LRRFIP2: variants seen among roughly 807,000 people sequenced by gnomAD.
LRRFIP2 encodes the protein leucine-rich repeat flightless-interacting protein 2.
Under a neutral mutation model 125.9 loss-of-function variants are expected in LRRFIP2, and 109 were observed. That is an observed-to-expected ratio of 0.87 (90% CI 0.74 to 1.01). The LOEUF (loss-of-function observed/expected upper bound fraction) is 1.01, where lower values mean the gene tolerates loss of function less well. Ranked by LOEUF, LRRFIP2 falls within the 50% of genes least tolerant of loss-of-function variation. The pLI, the probability that LRRFIP2 is intolerant of heterozygous loss-of-function variation, is 0.00. For missense variants in LRRFIP2, 850 were observed against 862.3 expected, an observed-to-expected ratio of 0.99 and a Z score of 0.18; for synonymous variants, 291 against 293.1, an observed-to-expected ratio of 0.99 and a Z score of 0.07.
At chr3:37,073,544 T>C (rs1424351593) in intron 20 of LRRFIP2, among the ~76,000 whole-genome samples, 2 of 152,190 alleles carry the variant, frequency 1.3e-5, no homozygotes, top group South Asian at 2.1e-4. Flanking sequence ...TACTTTACCA[T>C]GGAATTTTCA....
chr3:37,079,389 C>A (rs2092424031), intron 19 of LRRFIP2, among the ~76,000 whole-genome samples: 1 of 152,150 alleles, frequency 6.6e-6, no homozygotes, highest in South Asian at 2.1e-4. Context: ...AATGGTTAAA[C>A]ACAGATTTAT....
intron 2 of LRRFIP2, among the ~76,000 whole-genome samples, chr3:37,137,365 GA>G (rs2095584116): frequency 6.6e-6 from 1 of 152,096 alleles, no homozygotes; most frequent in Non-Finnish European, 1.5e-5. Flanking sequence ...TACTGGAGCT[GA>G]GATCTACATC....
At chr3:37,140,115 TC>T (rs2095655513) in intron 2 of LRRFIP2, among the ~76,000 whole-genome samples, 1 of 152,190 alleles carries the variant, frequency 6.6e-6, no homozygotes, top group Admixed American at 6.5e-5. Context: ...TCCTCTTTAT[TC>T]TCTCATCTCT....
rs1482956880 is a variant in LRRFIP2, at chr3:37,058,804, A to G, written c.1856T>C (p.Phe619Ser). 1 of 1,614,050 alleles carries G rather than the reference A, an allele frequency of 6.2e-7. No homozygotes were observed. The change falls in exon 25 of 28, where the codon TTC becomes TCC. Residue 619 changes from phenylalanine (F) to serine (S), a missense_variant. Transcript: ENST00000336686. ...AGLQNGSDLQ[F>S]IEMQRDANRQ... ...CTGGTACCTACTCTGCATTTCGATGAACTGCAAGTCTGAGCCATTCTGCAG... is the reference window on the plus strand; with the variant it reads ...CTGGTACCTACTCTGCATTTCGATGGACTGCAAGTCTGAGCCATTCTGCAG...
chr3:37,167,509 C>T (rs1381681412), intron 1 of LRRFIP2, among the ~76,000 whole-genome samples: 1 of 151,592 alleles, frequency 6.6e-6, no homozygotes, highest in Non-Finnish European at 1.5e-5. Flanking sequence ...CGAAAATTAG[C>T]CGGGCGTGGT....
At chr3:37,164,365 C>G (rs2096421525) in intron 1 of LRRFIP2, among the ~76,000 whole-genome samples, 1 of 152,074 alleles carries the variant, frequency 6.6e-6, no homozygotes, top group South Asian at 2.1e-4. Context: ...ATAAAACCAC[C>G]AGTAAGTCCC....
At chr3:37,121,841 C>CGTGTGTGTGTGTGT (rs60540567) in intron 4 of LRRFIP2, 150 bp from the exon 5 acceptor site, 25 of 521,612 alleles carry the variant, frequency 4.8e-5, no homozygotes, top group African/African-American at 4.5e-4. Flanking sequence ...CAGCCACATT[C>CGTGTGTGTGTGTGT]GTGTGTGTGT....
intron 2 of LRRFIP2, among the ~76,000 whole-genome samples, chr3:37,139,586 G>C (rs1276248971): frequency 6.6e-6 from 1 of 151,996 alleles, no homozygotes; most frequent in Non-Finnish European, 1.5e-5. Flanking sequence ...TACTTTCCCT[G>C]TGGTTCTACT....
chr3:37,072,955 C>G (rs192796834), intron 20 of LRRFIP2, 73 bp from the exon 21 acceptor site: 4 of 960,518 alleles, frequency 4.2e-6, no homozygotes, highest in Middle Eastern at 2.2e-4. Context: ...AGGGAGGAAA[C>G]AAAAATAAAG....
At position 37,167,820 on chromosome 3, in the gene LRRFIP2, C is replaced by T. The variant is rs560051799; in HGVS notation, c.-56+6719G>A. Among the ~76,000 whole-genome samples, 90 of 152,032 alleles carry T rather than the reference C, an allele frequency of 5.9e-4. 1 individual carries two copies. In the Middle Eastern group the frequency reaches 0.01, roughly 17 times the overall value. ...AGAGACCTCATCTCTACAAAATATACAAAAATTAGCCAGGCATGGCAGTGC... is the reference window on the plus strand; with the variant it reads ...AGAGACCTCATCTCTACAAAATATATAAAAATTAGCCAGGCATGGCAGTGC... On this transcript the variant is annotated intron_variant, in intron 1 of 27. Transcript: ENST00000336686.
At chr3:37,072,725 T>C in intron 21 of LRRFIP2, 65 bp downstream of exon 21, 2 of 942,530 alleles carry the variant, frequency 2.1e-6, no homozygotes, top group Non-Finnish European at 3.4e-6. Context: ...TTTCAATCTC[T>C]AGGTTAAATT....
chr3:37,111,047 G>C lies in LRRFIP2; in HGVS notation c.457C>G (p.Gln153Glu). ...KDLLSGLYFD[Q>E]RNYSSLRHSK... ...TGTCTAAGACTGCTATAGTTTCTCTGGTCAAAGTAGAGGCCACTCTGCAAA... is the reference window on the plus strand; with the variant it reads ...TGTCTAAGACTGCTATAGTTTCTCTCGTCAAAGTAGAGGCCACTCTGCAAA... The change falls in exon 9 of 28, where the codon CAG becomes GAG. Residue 153 changes from glutamine (Q) to glutamate (E), a missense_variant. Physicochemically the swap from Gln to Glu is conservative, Grantham distance 29. Coordinates refer to ENST00000336686, the MANE Select transcript of LRRFIP2 (RefSeq NM_006309.4). 1.2e-6 allele frequency: 2 copies of C among 1,613,582 alleles called. No individual in the cohort carries two copies. Among genetic ancestry groups the C allele is most frequent in the Non-Finnish European group, 1.7e-6 (2 of 1,179,778 alleles).
intron 25 of LRRFIP2, among the ~76,000 whole-genome samples, chr3:37,056,816 C>T (rs1451216002): frequency 6.6e-6 from 1 of 152,124 alleles, no homozygotes; most frequent in Non-Finnish European, 1.5e-5. Context: ...GAGAAGTATT[C>T]CTATTTCTGA....
chr3:37,157,566 A>G (rs1204144240), intron 1 of LRRFIP2, among the ~76,000 whole-genome samples: 1 of 152,120 alleles, frequency 6.6e-6, no homozygotes, highest in African/African-American at 2.4e-5. Flanking sequence ...GAGAGGGGAA[A>G]AGAGGAAGGA....
intron 1 of LRRFIP2, among the ~76,000 whole-genome samples, chr3:37,169,248 T>A (rs1181592361): frequency 1.3e-5 from 2 of 152,218 alleles, no homozygotes; most frequent in Non-Finnish European, 2.9e-5. Flanking sequence ...ATAAAAATAT[T>A]TTTAAAAAAG....
At chr3:37,137,241 G>C (rs2095581489) in intron 2 of LRRFIP2, among the ~76,000 whole-genome samples, 1 of 152,142 alleles carries the variant, frequency 6.6e-6, no homozygotes, top group South Asian at 2.1e-4. Flanking sequence ...GCCTCCCAAA[G>C]TGATGGGACT....
chr3:37,077,431 A>G (rs1026513763), intron 19 of LRRFIP2, among the ~76,000 whole-genome samples: 7 of 152,226 alleles, frequency 4.6e-5, no homozygotes, highest in Non-Finnish European at 1.0e-4. Flanking sequence ...TATTAACAAT[A>G]TGCTACTATT....
At chr3:37,067,484 C>G (rs1458540792) in intron 21 of LRRFIP2, 1 of 152,126 alleles carries the variant, frequency 6.6e-6, no homozygotes. Flanking sequence ...TCCCATTAAT[C>G]CAAGAAGTTA....
chr3:37,108,646 A>G lies in LRRFIP2; in HGVS notation c.648T>C (p.Gly216=), dbSNP rs777797362. The G allele has an allele frequency of 1.2e-6, 2 of 1,609,134 alleles. No homozygotes were observed. The highest frequency in any genetic ancestry group is 1.7e-6 in the Non-Finnish European group (2 of 1,176,066). Residue 216 remains glycine, a synonymous_variant, in exon 12 of 28, where the codon GGT becomes GGC. Transcript: ENST00000336686. ...CCCTATTTAGACTTACAGTTCGAGG[A>G]CCATAAGGGTTATATAATCCACCAT... ...LYNGGLYNPY[G]PRTPSECSYY... is the part of the protein sequence containing the mutation.
Sources: allele counts gnomAD v4.1 joint callset (sites outside exome capture counted in the v4.1 genomes callset), GRCh38; gene constraint gnomAD v4.1.1; transcripts MANE v1.5; gene names NCBI Gene and HGNC (gene_info 2026-07-23, HGNC 2026-07-21).